Variants in PITPNM3 observed in about 807,000 individuals in gnomAD.
PITPNM3 encodes PITPNM family member 3.
PITPNM3 carries 26 observed loss-of-function variants against 102.0 expected under a neutral mutation model. The observed-to-expected ratio is 0.25, with a 90% confidence interval of 0.19 to 0.35. PITPNM3 has a LOEUF of 0.35. Ranked by LOEUF, PITPNM3 falls within the 10% of genes least tolerant of loss-of-function variation. PITPNM3 has a pLI of 1.00. For missense variants in PITPNM3, 1,083 were observed against 1,346.1 expected (o/e 0.80, Z 3.06); for synonymous variants, 578 against 558.6 (o/e 1.03, Z -0.49).
intron 3 of PITPNM3, among the ~76,000 whole-genome samples, chr17:6,508,632 G>T (rs1337437090): frequency 6.6e-6 from 1 of 152,150 alleles, no homozygotes; most frequent in East Asian, 1.9e-4. Flanking sequence ...ATTTGCAAGG[G>T]GTGCAGAGAG....
chr17:6,472,343 G>T lies in PITPNM3; in HGVS notation c.1429+314C>A. Among the ~76,000 whole-genome samples, 1 of 152,046 alleles carries T rather than the reference G, an allele frequency of 6.6e-6. No individual in the cohort carries two copies. Among genetic ancestry groups the T allele is most frequent in the Non-Finnish European group, 1.5e-5 (1 of 68,000 alleles). On this transcript the variant is annotated intron_variant, in intron 11 of 19. Transcript: ENST00000262483. This position sits in a 1 kb window ranked among gnomAD's most constrained non-coding sequence, Gnocchi z 4.1. ...CCTACCCCTTCAGAGTCCAGGCTGG[G>T]CACTCATAAAAAAAATAGATTGGAG...
At chr17:6,456,901 C>CT (rs1914141195) in intron 19 of PITPNM3, among the ~76,000 whole-genome samples, 1 of 152,202 alleles carries the variant, frequency 6.6e-6, no homozygotes, top group African/African-American at 2.4e-5. Context: ...CAAAAAATGC[C>CT]TCTCAGACCC....
intron 4 of PITPNM3, among the ~76,000 whole-genome samples, chr17:6,498,916 T>C (rs543525076): frequency 2.6e-5 from 4 of 151,852 alleles, no homozygotes; most frequent in Admixed American, 2.0e-4. Flanking sequence ...CGGAGCAGCA[T>C]GAACAAGGCA....
chr17:6,551,409 G>C (rs1910293117), intron 1 of PITPNM3, among the ~76,000 whole-genome samples: 1 of 151,928 alleles, frequency 6.6e-6, no homozygotes, highest in Non-Finnish European at 1.5e-5. Flanking sequence ...TGTCTGATTT[G>C]ACCATATTTG....
At chr17:6,473,319 G>A (rs773111819) in intron 10 of PITPNM3, 89 of 232,790 alleles carry the variant, frequency 3.8e-4, no homozygotes, top group Non-Finnish European at 6.0e-4. Flanking sequence ...CACTTCTCTC[G>A]CTGACCAGCA....
chr17:6,471,408 C>T (rs1905069467), intron 11 of PITPNM3, 53 bp from the exon 12 acceptor site: 1 of 1,449,182 alleles, frequency 6.9e-7, no homozygotes, highest in South Asian at 1.3e-5. Flanking sequence ...AGCAGAGCTG[C>T]CCACTCAGTG....
intron 4 of PITPNM3, among the ~76,000 whole-genome samples, chr17:6,491,653 G>C (rs950031784): frequency 9.9e-5 from 15 of 152,148 alleles, no homozygotes; most frequent in African/African-American, 3.6e-4. Context: ...CCAGACTGCA[G>C]GCCACCCTCC....
chr17:6,545,079 G>A (rs908618065), intron 1 of PITPNM3, among the ~76,000 whole-genome samples: 1 of 152,124 alleles, frequency 6.6e-6, no homozygotes, highest in Non-Finnish European at 1.5e-5. Flanking sequence ...CCACCTGACT[G>A]CTTCCAGCCC....
intron 9 of PITPNM3, among the ~76,000 whole-genome samples, chr17:6,475,275 A>G (rs1905251518): frequency 6.6e-6 from 1 of 152,110 alleles, no homozygotes; most frequent in African/African-American, 2.4e-5. Context: ...AATTCCAACC[A>G]TTTCCAACCC....
chr17:6,551,299 G>GTGAGC (rs1450526805), intron 1 of PITPNM3, among the ~76,000 whole-genome samples: 3 of 151,572 alleles, frequency 2.0e-5, no homozygotes, highest in South Asian at 2.1e-4. Context: ...GGAGCTTGCC[G>GTGAGC]TGAGCTGAGC....
chr17:6,455,596 G>T lies in PITPNM3; in HGVS notation c.2667C>A (p.Ser889Arg), dbSNP rs771206541. The T allele has an allele frequency of 6.3e-7, 1 of 1,594,034 alleles. No homozygotes were observed. Among genetic ancestry groups the T allele is most frequent in the African/African-American group, 1.4e-5 (1 of 72,370 alleles). ...TGTTCTTCTTTGGGCGTGAGCGGTG[G>T]CTGGCCTCCAGCGCGGCCAGGTGTG... ...YAAHLAALEA[S>R]HRSRPKKNNS... The change falls in exon 20 of 20, where the codon AGC becomes AGA. Residue 889 changes from serine to arginine, a missense_variant. This residue lies in a region of PITPNM3 where 208 missense variants were observed against 178.2 expected (regional missense o/e 1.17). Coordinates refer to ENST00000262483, the MANE Select transcript of PITPNM3 (RefSeq NM_031220.4).
intron 14 of PITPNM3, among the ~76,000 whole-genome samples, chr17:6,467,941 G>A (rs1024811283): frequency 1.1e-4 from 17 of 152,294 alleles, no homozygotes; most frequent in Admixed American, 6.5e-5. Flanking sequence ...ACTGTAGCCT[G>A]GCATATAGCA....
In PITPNM3 at chr17:6,472,932, A is replaced by G; in HGVS notation, c.1259-105T>C. ...CCTGGAGTAGCCTACTCCCCTCTCA[A>G]GAGCCTCCCCGGGCTCCCTGCTCCC... On this transcript the variant is annotated intron_variant, in intron 10 of 19. Transcript: ENST00000262483. The surrounding 1 kb of genome is among the most constrained non-coding windows in gnomAD (Gnocchi z 4.1). The G allele has an allele frequency of 7.3e-7, 1 of 1,378,570 alleles. No homozygotes were observed. The allele number at this position is 1,378,570 out of a possible 1,614,324, so 85.4% of individuals were successfully genotyped here.
intron 4 of PITPNM3, among the ~76,000 whole-genome samples, chr17:6,494,593 G>A (rs1906689429): frequency 6.6e-6 from 1 of 152,220 alleles, no homozygotes; most frequent in African/African-American, 2.4e-5. Context: ...TAAACTAGAG[G>A]AAGGCTCATT....
chr17:6,547,466 T>C (rs1390802162), intron 1 of PITPNM3, among the ~76,000 whole-genome samples: 1 of 152,204 alleles, frequency 6.6e-6, no homozygotes, highest in Admixed American at 6.5e-5. Flanking sequence ...CGCCAGACTC[T>C]TGTTCCATAA....
rs766321334 is a variant in PITPNM3, at chr17:6,532,530, C to T, written c.118+5457G>A. On this transcript the variant is annotated intron_variant, in intron 2 of 19. Transcript: ENST00000262483. Reference sequence around the variant, plus strand: ...ATCCCCAGGCGACCGCTGATCTGCTCCTGGCACCACAGATTGGTTTTCATG... The same window carrying T: ...ATCCCCAGGCGACCGCTGATCTGCTTCTGGCACCACAGATTGGTTTTCATG... Among the ~76,000 whole-genome samples, 8 of 152,212 alleles carry T rather than the reference C, an allele frequency of 5.3e-5. No individual in the cohort carries two copies. The East Asian group carries it at 7.8e-4, about 15-fold the overall frequency.
intron 19 of PITPNM3, 26 bp from the exon 20 acceptor site, chr17:6,455,669 GAGGGC>G (rs781462082): frequency 2.2e-5 from 30 of 1,387,174 alleles, no homozygotes; most frequent in East Asian, 2.6e-5. Flanking sequence ...GAGGGCAGGG[GAGGGC>G]AGGGCAGGGC....
intron 1 of PITPNM3, among the ~76,000 whole-genome samples, chr17:6,554,343 G>A (rs2150687412): frequency 6.7e-6 from 1 of 149,326 alleles, no homozygotes; most frequent in South Asian, 2.1e-4. Flanking sequence ...AAAAAAAGGA[G>A]AGAAGGGACA....
chr17:6,492,521 G>T (rs1388195816), intron 4 of PITPNM3, among the ~76,000 whole-genome samples: 1 of 152,174 alleles, frequency 6.6e-6, no homozygotes, highest in African/African-American at 2.4e-5. Flanking sequence ...AAGAATAAAT[G>T]TGGAACATGA....
Sources: gnomAD v4.1 joint callset for allele counts (sites outside exome capture counted in the v4.1 genomes callset) on GRCh38, gnomAD v4.1.1 for gene constraint, gnomAD v4.1.1 regional missense constraint, Gnocchi (gnomAD v3.1) non-coding constraint, MANE v1.5 for transcripts, NCBI Gene and HGNC (gene_info 2026-07-23, HGNC 2026-07-21) for gene names.